Variants in SEMA4G observed in about 807,000 individuals in gnomAD.
SEMA4G encodes the protein semaphorin 4G.
A neutral mutation model predicts 81.2 loss-of-function variants in SEMA4G; 59 were observed. That is an observed-to-expected ratio of 0.73 (90% CI 0.59 to 0.90). The LOEUF (loss-of-function observed/expected upper bound fraction) is 0.90. SEMA4G is among the 40% of genes least tolerant of loss of function. SEMA4G has a pLI of 0.00. For missense variants in SEMA4G, 952 were observed against 1,102.3 expected (o/e 0.86, Z 1.93); for synonymous variants, 404 against 433.9 (o/e 0.93, Z 0.86).
intron 13 of SEMA4G, among the ~76,000 whole-genome samples, chr10:100,982,589 C>A (rs1287163384): frequency 1.3e-5 from 2 of 152,108 alleles, no homozygotes; most frequent in African/African-American, 4.8e-5. Context: ...GTCAGGAGTT[C>A]GAGACAAGCC....
At chr10:100,981,404 A>G (rs910577831) in intron 13 of SEMA4G, 175 bp downstream of exon 14, 2 of 1,613,306 alleles carry the variant, frequency 1.2e-6, no homozygotes, top group African/African-American at 2.7e-5. Context: ...TTACTGCCCA[A>G]ATGAATTATA....
At chr10:100,969,670 C>A (rs901428202), upstream of SEMA4G, 27 of 342,916 alleles carry the variant, frequency 7.9e-5, no homozygotes, top group Admixed American at 1.1e-4. Context: ...AGGCCTCCCC[C>A]ACGTCCATTC....
At chr10:100,969,990 G>A (rs1589976209), upstream of SEMA4G, 1 of 428,860 alleles carries the variant, frequency 2.3e-6, no homozygotes, top group East Asian at 7.4e-5. Context: ...GGTCCCGGGG[G>A]AGGGGCTCTC....
upstream of SEMA4G, among the ~76,000 whole-genome samples, chr10:100,970,364 C>T (rs1850596204): frequency 6.6e-6 from 1 of 152,104 alleles, no homozygotes; most frequent in Non-Finnish European, 1.5e-5. Context: ...CGTCTCCCAC[C>T]TTTAGAACCG....
In SEMA4G at chr10:100,981,156, C is replaced by T. The variant is rs369318588; in HGVS notation, c.1629-12C>T. The T allele has an allele frequency of 8.1e-6, 13 of 1,614,034 alleles. No homozygotes were observed. In the African/African-American group the frequency reaches 1.6e-4, roughly 20 times the overall value. On this transcript the variant is annotated splice_polypyrimidine_tract_variant and intron_variant, in intron 12 of 13. Transcript: ENST00000370250. Reference sequence around the variant, plus strand: ...GTTCCCCTTGTTCATAAAACCTGATCTTCTGTCCCAGGACAGCACTGATAC... The same window carrying T: ...GTTCCCCTTGTTCATAAAACCTGATTTTCTGTCCCAGGACAGCACTGATAC...
chr10:100,969,933 T>C, upstream of SEMA4G: 1 of 452,812 alleles, frequency 2.2e-6, no homozygotes, highest in Non-Finnish European at 4.5e-6. Context: ...AGGTTAGACC[T>C]GACGAAGGGA....
chr10:100,972,734 G>A (rs1044290858), exon 1 of SEMA4G: 11 of 554,786 alleles, frequency 2.0e-5, no homozygotes, highest in Middle Eastern at 4.7e-4. Flanking sequence ...ATGTCCCCCC[G>A]ATTCCAGGAC....
In SEMA4G at chr10:100,979,853, C is replaced by A. The variant is rs142303289; in HGVS notation, c.989C>A (p.Thr330Asn). Residue 330 changes from threonine (T) to asparagine (N), a missense_variant, in exon 9 of 14, where the codon ACC becomes AAC. Thr to Asn is a moderately conservative substitution (Grantham distance 65, BLOSUM62 0). Coordinates refer to ENST00000370250, the Ensembl canonical transcript of SEMA4G. ...TGCCCTATGTCCCATTCTAGGAAGA[C>A]CCTGGAGGCCTCAGCCATCTGCCGC... is the stretch of plus-strand genomic sequence containing the variant. 7 of 1,613,558 alleles carry A rather than the reference C, an allele frequency of 4.3e-6. No homozygotes were observed. The African/African-American group carries it at 8.0e-5, about 18-fold the overall frequency.
exon 14 of SEMA4G, chr10:100,983,729 A>T: frequency 6.2e-7 from 1 of 1,613,510 alleles, no homozygotes; most frequent in East Asian, 2.2e-5. Flanking sequence ...GGGAAGGCAG[A>T]CGAGGGCGCC....
chr10:100,969,515 C>A (rs1370130694), upstream of SEMA4G: 1 of 144,788 alleles, frequency 6.9e-6, no homozygotes, highest in East Asian at 2.1e-4. Flanking sequence ...GCCGCGGCCC[C>A]TTCCTCTCGC....
exon 14 of SEMA4G, chr10:100,984,281 A>C: frequency 1.4e-6 from 2 of 1,439,504 alleles, no homozygotes; most frequent in Non-Finnish European, 1.8e-6. Flanking sequence ...CTGGCCAGTC[A>C]GGCCCAGCCA....
At chr10:100,984,398 G>C in exon 14 of SEMA4G, 3 of 1,457,326 alleles carry the variant, frequency 2.1e-6, no homozygotes, top group Non-Finnish European at 2.7e-6. Context: ...CAGACCCAGA[G>C]CCAGTTCCTA....
chr10:100,983,834 G>C lies in SEMA4G; in HGVS notation c.2220G>C (p.Glu740Asp), dbSNP rs773199318. Reference sequence around the variant, plus strand: ...GCCAGTGTCCTGGAGAGGAAGATGAGGGTGATGATGAGGGGGCTGGGGGCC... The same window carrying C: ...GCCAGTGTCCTGGAGAGGAAGATGACGGTGATGATGAGGGGGCTGGGGGCC... Residue 740 changes from glutamate (E) to aspartate (D), a missense_variant, in exon 14 of 14, where the codon GAG (glutamate) becomes GAC (aspartate). Transcript: ENST00000370250. The C allele has an allele frequency of 1.1e-5, 17 of 1,597,858 alleles. No individual in the cohort carries two copies. Among genetic ancestry groups the C allele is most frequent in the Non-Finnish European group, 1.5e-5 (17 of 1,172,218 alleles).
chr10:100,970,338 G>A (rs140594979), upstream of SEMA4G, among the ~76,000 whole-genome samples: 49 of 152,204 alleles, frequency 3.2e-4, 1 homozygote, highest in East Asian at 9.5e-3. Context: ...TTAAGTGGGG[G>A]CTGAGAGCTC....
At chr10:100,974,332 G>A (rs919784255) in intron 3 of SEMA4G, among the ~76,000 whole-genome samples, 4 of 152,002 alleles carry the variant, frequency 2.6e-5, no homozygotes, top group African/African-American at 4.8e-5. Flanking sequence ...AAGTATGCTG[G>A]CGTGCACCTG....
chr10:100,982,341 T>C (rs973685347), intron 13 of SEMA4G, among the ~76,000 whole-genome samples: 9 of 152,320 alleles, frequency 5.9e-5, no homozygotes, highest in Middle Eastern at 6.8e-3. Context: ...TGAAGAGTTT[T>C]AGGCTGGAGA....
exon 14 of SEMA4G, chr10:100,983,794 T>C: frequency 1.9e-6 from 3 of 1,606,678 alleles, no homozygotes; most frequent in Non-Finnish European, 2.5e-6. Context: ...GCGGTGCAAC[T>C]GCAGACAGTC....
At chr10:100,985,290 G>A (rs549901293), downstream of SEMA4G, 104 of 175,352 alleles carry the variant, frequency 5.9e-4, no homozygotes, top group Non-Finnish European at 9.6e-4. Flanking sequence ...CTACCTCACC[G>A]GGGCACTTTC....
At chr10:100,970,435 T>C (rs1850598255), upstream of SEMA4G, among the ~76,000 whole-genome samples, 1 of 152,034 alleles carries the variant, frequency 6.6e-6, no homozygotes, top group Non-Finnish European at 1.5e-5. Flanking sequence ...TTGCTGAAGC[T>C]AGGGGCCTCC....
Sources: allele counts gnomAD v4.1 joint callset (sites outside exome capture counted in the v4.1 genomes callset), GRCh38; gene constraint gnomAD v4.1.1; transcripts MANE v1.5; gene names NCBI Gene and HGNC (gene_info 2026-07-23, HGNC 2026-07-21).